Variants in THTPA observed in about 807,000 individuals in gnomAD.
THTPA encodes the protein thiamine-triphosphatase.
Under a neutral mutation model 16.5 loss-of-function variants are expected in THTPA, and 16 were observed. The ratio of observed to expected loss-of-function variants is 0.97; its 90% CI spans 0.66 to 1.47. The LOEUF is 1.47. Among genes scored for constraint, THTPA ranks in the 40% most tolerant of loss-of-function variants. The pLI, the probability that THTPA is intolerant of heterozygous loss-of-function variation, is 0.00. For synonymous variants in THTPA, 110 were observed against 115.5 expected, an observed-to-expected ratio of 0.95 and a Z score of 0.30; for missense variants, 281 against 280.9, an observed-to-expected ratio of 1.00 and a Z score of 0.00.
chr14:23,524,466 G>A, the THTPA span: 1 of 1,534,416 alleles, frequency 6.5e-7, no homozygotes, highest in South Asian at 1.2e-5. The surrounding 1 kb of genome is among the most constrained non-coding windows in gnomAD (Gnocchi z 5.6). Context: ...GGTGGACCTG[G>A]CATTGGTGAG....
the THTPA span, chr14:23,522,660 A>G: frequency 1.0e-5 from 16 of 1,536,442 alleles, no homozygotes; most frequent in Admixed American, 2.0e-5. Flanking sequence ...TGGCCCCCCA[A>G]CAGGGCTGGG....
chr14:23,553,934 C>T (rs774001302), upstream of THTPA, among the ~76,000 whole-genome samples: 11 of 148,196 alleles, frequency 7.4e-5, no homozygotes, highest in Non-Finnish European at 1.2e-4. Flanking sequence ...TGGGGTGGCA[C>T]GTGCCTGTAG....
chr14:23,528,625 C>G, the THTPA span: 45 of 985,306 alleles, frequency 4.6e-5, no homozygotes, highest in Non-Finnish European at 5.1e-5. Flanking sequence ...GAAAGGGGCC[C>G]TACCTGTCTG....
chr14:23,525,021 C>T, the THTPA span: 1 of 1,536,218 alleles, frequency 6.5e-7, no homozygotes. This position sits in a 1 kb window ranked among gnomAD's most constrained non-coding sequence, Gnocchi z 5.9. Context: ...TGGAACCACA[C>T]CACCACCACA....
At chr14:23,541,783 G>T in the THTPA span, among the ~76,000 whole-genome samples, 4 of 151,864 alleles carry the variant, frequency 2.6e-5, no homozygotes, top group Non-Finnish European at 5.9e-5. Context: ...TTTTTCCAAA[G>T]ATCCTTTCCA....
the THTPA span, among the ~76,000 whole-genome samples, chr14:23,539,026 G>C: frequency 6.6e-6 from 1 of 152,264 alleles, no homozygotes; most frequent in South Asian, 2.1e-4. Flanking sequence ...AGGGCGGAGA[G>C]TTCTGAGGGT....
the THTPA span, chr14:23,532,808 A>G: frequency 6.5e-7 from 1 of 1,536,508 alleles, no homozygotes; most frequent in Non-Finnish European, 8.7e-7. Flanking sequence ...GTGGAGTTGG[A>G]AGTTGGCCTT....
the THTPA span, chr14:23,525,125 T>C: frequency 1.0e-5 from 16 of 1,536,174 alleles, no homozygotes; most frequent in Non-Finnish European, 1.4e-5. The surrounding 1 kb of genome is among the most constrained non-coding windows in gnomAD (Gnocchi z 5.9). Flanking sequence ...GGCTTGGGTC[T>C]GGAACTCTGT....
the THTPA span, chr14:23,534,667 G>T: frequency 2.0e-6 from 3 of 1,536,194 alleles, no homozygotes; most frequent in South Asian, 3.6e-5. This position sits in a 1 kb window ranked among gnomAD's most constrained non-coding sequence, Gnocchi z 4.5. Flanking sequence ...GCCATCTTTG[G>T]GATCTCCGGG....
Position 23,556,740 on chromosome 14 carries a change from C to A in THTPA, c.-18C>A, listed in dbSNP as rs1181708968. 3.1e-6 allele frequency: 5 copies of A among 1,605,724 alleles called. No homozygotes were observed. The highest frequency in any genetic ancestry group is 4.3e-6 in the Non-Finnish European group (5 of 1,175,836). On this transcript the variant is annotated 5_prime_UTR_variant, in exon 1 of 2. Coordinates refer to ENST00000288014, the MANE Select transcript of THTPA (RefSeq NM_024328.6). ...CTTGGGAACTCAGCAAACGTTTGTTCAGCCAATTGCAGGTAGCATGGCCCA... is the reference window on the plus strand; with the variant it reads ...CTTGGGAACTCAGCAAACGTTTGTTAAGCCAATTGCAGGTAGCATGGCCCA...
chr14:23,539,619 C>T, the THTPA span, among the ~76,000 whole-genome samples: 1 of 152,096 alleles, frequency 6.6e-6, no homozygotes, highest in Non-Finnish European at 1.5e-5. Context: ...GAGAATCTGC[C>T]CCTCGCTGAA....
Position 23,556,702 on chromosome 14 carries a change from C to G in THTPA, c.-56C>G, listed in dbSNP as rs1882409802. 1.9e-5 allele frequency: 30 copies of G among 1,556,000 alleles called. No individual in the cohort carries two copies. The highest frequency in any genetic ancestry group is 2.5e-5 in the Non-Finnish European group (29 of 1,150,992). ...AGTTGACGCCCCAGGAGCTGAGCAC[C>G]AGGCTTTGCATCCTTGGGAACTCAG... On this transcript the variant is annotated 5_prime_UTR_variant, in exon 1 of 2. Transcript: ENST00000288014.
At chr14:23,521,682 G>A in the THTPA span, 1 of 427,500 alleles carries the variant, frequency 2.3e-6, no homozygotes, top group Non-Finnish European at 4.1e-6. Context: ...GAATAATCAG[G>A]GTGCCAAGAT....
chr14:23,559,201 A>C lies in THTPA; in HGVS notation c.*361A>C. 1 of 247,270 alleles carries C rather than the reference A, an allele frequency of 4.0e-6. No homozygotes were observed. Among genetic ancestry groups the C allele is most frequent in the Non-Finnish European group, 7.9e-6 (1 of 125,976 alleles). 15.3% of individuals were successfully genotyped at this position (247,270 alleles called of 1,614,324 possible). The stretch of plus-strand genomic sequence containing the variant: ...CCATTGATTCTGCCAGCGGCTCCTA[A>C]ACCGCCTTACAGCTGAGTTAGAAGA... On this transcript the variant is annotated 3_prime_UTR_variant, in exon 2 of 2. Coordinates refer to ENST00000288014, the MANE Select transcript of THTPA (RefSeq NM_024328.6).
chr14:23,531,169 G>A, the THTPA span: 2 of 248,686 alleles, frequency 8.0e-6, no homozygotes, highest in East Asian at 1.6e-4. Flanking sequence ...GCTCCAGCCT[G>A]CCACCCTCCA....
rs1247657507 is a variant in THTPA, at chr14:23,557,296, G to A, written c.539G>A (p.Ser180Asn). Residue 180 changes from serine to asparagine, a missense_variant, in exon 1 of 2, where the codon AGC becomes AAC. By Grantham distance (46) the Ser-to-Asn change is conservative. Coordinates refer to ENST00000288014, the MANE Select transcript of THTPA (RefSeq NM_024328.6). ...TALEKIHRLS[S>N]MLGVPAQETA... is the part of the protein sequence containing the mutation. ...CTAGAGAAGATCCACAGGCTCAGCA[G>A]CATGCTTGGTGAGGGAGACAGGCCC... 1.3e-6 allele frequency: 2 copies of A among 1,594,056 alleles called. No homozygotes were observed. The highest frequency in any genetic ancestry group is 4.5e-5 in the East Asian group (2 of 44,594).
At chr14:23,521,888 C>G in the THTPA span, 1 of 1,516,366 alleles carries the variant, frequency 6.6e-7, no homozygotes, top group Non-Finnish European at 8.8e-7. Context: ...GGGATTTGAG[C>G]TCCCACCGAA....
chr14:23,521,777 G>T, the THTPA span: 1 of 1,042,046 alleles, frequency 9.6e-7, no homozygotes, highest in Non-Finnish European at 1.3e-6. Flanking sequence ...TGTGGGGATT[G>T]GGAGGAGGCA....
In THTPA at chr14:23,556,732, C is replaced by G; in HGVS notation, c.-26C>G. 4.4e-6 allele frequency: 7 copies of G among 1,601,360 alleles called. No individual in the cohort carries two copies. The highest frequency in any genetic ancestry group is 6.0e-6 in the Non-Finnish European group (7 of 1,173,874). ...TTTGCATCCTTGGGAACTCAGCAAA[C>G]GTTTGTTCAGCCAATTGCAGGTAGC... On this transcript the variant is annotated 5_prime_UTR_variant, in exon 1 of 2. Transcript: ENST00000288014.
Sources: gnomAD v4.1 joint callset for allele counts (sites outside exome capture counted in the v4.1 genomes callset) on GRCh38, gnomAD v4.1.1 for gene constraint, Gnocchi (gnomAD v3.1) non-coding constraint, MANE v1.5 for transcripts, NCBI Gene and HGNC (gene_info 2026-07-23, HGNC 2026-07-21) for gene names.